Variants in KHDRBS1 observed in about 807,000 individuals in gnomAD.
The protein encoded by KHDRBS1 is KH RNA binding domain containing, signal transduction associated 1.
Under a neutral mutation model 48.4 loss-of-function variants are expected in KHDRBS1, and 7 were observed. The observed-to-expected ratio is 0.14, with a 90% CI of 0.08 to 0.27. The LOEUF (loss-of-function observed/expected upper bound fraction) is 0.27. KHDRBS1 is among the 10% of genes least tolerant of loss of function. The pLI, the probability that KHDRBS1 is intolerant of heterozygous loss-of-function variation, is 1.00. For synonymous variants in KHDRBS1, 241 were observed against 235.8 expected (o/e 1.02, Z -0.20); for missense variants, 458 against 601.2 (o/e 0.76, Z 2.49).
intron 8 of KHDRBS1, 93 bp downstream of exon 8, chr1:32,039,666 C>T: frequency 2.6e-6 from 2 of 770,708 alleles, no homozygotes; most frequent in Non-Finnish European, 4.7e-6. Context: ...ACAAACACAC[C>T]TACGGATAAA....
At chr1:32,038,136 G>T (rs1158284166) in intron 6 of KHDRBS1, 100 bp downstream of exon 6, 2 of 1,524,926 alleles carry the variant, frequency 1.3e-6, no homozygotes, top group Middle Eastern at 3.5e-4. Context: ...GTCATGGACT[G>T]CCTGTAAGAT....
chr1:32,016,636 C>T (rs1279326848), intron 1 of KHDRBS1, among the ~76,000 whole-genome samples: 2 of 152,140 alleles, frequency 1.3e-5, no homozygotes, highest in Non-Finnish European at 2.9e-5. Context: ...CTCCTCCAGG[C>T]ACCTTTGACC....
chr1:32,020,851 A>ATCCTT (rs1351781849), intron 1 of KHDRBS1, among the ~76,000 whole-genome samples: 1 of 152,190 alleles, frequency 6.6e-6, no homozygotes, highest in Non-Finnish European at 1.5e-5. Context: ...CTCATGATGG[A>ATCCTT]ACTGTTCTGT....
intron 10 of KHDRBS1, among the ~76,000 whole-genome samples, chr1:32,056,196 G>T (rs930164035): frequency 6.7e-6 from 1 of 149,838 alleles, no homozygotes; most frequent in African/African-American, 2.4e-5. Context: ...GGAATGGGCC[G>T]ATAGGAGTTC....
intron 4 of KHDRBS1, among the ~76,000 whole-genome samples, chr1:32,035,734 C>A (rs1199870996): frequency 6.6e-6 from 1 of 152,206 alleles, no homozygotes; most frequent in Non-Finnish European, 1.5e-5. Flanking sequence ...TCTTAAGTAT[C>A]TGTCAGATGT....
downstream of KHDRBS1, among the ~76,000 whole-genome samples, chr1:32,046,200 G>GT (rs1204145987): frequency 1.9e-4 from 28 of 149,742 alleles, no homozygotes; most frequent in African/African-American, 6.6e-4. Context: ...TTTTTTTTTG[G>GT]TTTTTTTGGT....
intron 8 of KHDRBS1, among the ~76,000 whole-genome samples, chr1:32,040,828 G>A (rs951557227): frequency 3.3e-5 from 5 of 152,160 alleles, no homozygotes; most frequent in African/African-American, 1.2e-4. Flanking sequence ...AAAAAGAGGA[G>A]CCCCTTAGGG....
chr1:32,027,724 C>T (rs973760010), intron 1 of KHDRBS1, among the ~76,000 whole-genome samples: 3 of 152,178 alleles, frequency 2.0e-5, no homozygotes, highest in African/African-American at 7.2e-5. Context: ...AACAAGCATT[C>T]AGTCTGAAAT....
chr1:32,047,990 G>A (rs1175413329), downstream of KHDRBS1, among the ~76,000 whole-genome samples: 5 of 152,052 alleles, frequency 3.3e-5, no homozygotes, highest in Admixed American at 2.0e-4. Context: ...ATAGTGTTTG[G>A]TTCATCCAGG....
chr1:32,055,125 A>G (rs1184577010), intron 10 of KHDRBS1, among the ~76,000 whole-genome samples: 1 of 152,088 alleles, frequency 6.6e-6, no homozygotes, highest in Admixed American at 6.6e-5. Flanking sequence ...TGGTACTCCT[A>G]GCTTGGTTTC....
rs141763752 is a variant in KHDRBS1 at position 32,042,603 on chromosome 1, G to C, written c.1311G>C (p.Glu437Asp). Residue 437 changes from glutamate (E) to aspartate (D), a missense_variant, in exon 9 of 9, where the codon GAG (glutamate) becomes GAC (aspartate). Glu to Asp is a conservative substitution (Grantham distance 45). Transcript: ENST00000327300. ...GGCCAGTGAAGGGAGCATACAGAGA[G>C]CACCCATATGGACGTTATTAAAAAC... Reference protein sequence around the residue: ...PARPVKGAYREHPYGRY With the variant: ...PARPVKGAYRDHPYGRY 2.2e-5 allele frequency: 36 copies of C among 1,608,722 alleles called. No homozygotes were observed. Among genetic ancestry groups the C allele is most frequent in the South Asian group, 2.2e-5 (2 of 90,938 alleles).
chr1:32,025,264 CAAA>C (rs780420929), intron 1 of KHDRBS1, among the ~76,000 whole-genome samples: 10 of 56,288 alleles, frequency 1.8e-4, no homozygotes, highest in Non-Finnish European at 3.2e-4. Flanking sequence ...GACCCTATCT[CAAA>C]AAAAAAAAAA....
At chr1:32,039,823 C>T (rs1219527011) in intron 8 of KHDRBS1, among the ~76,000 whole-genome samples, 1 of 152,082 alleles carries the variant, frequency 6.6e-6, no homozygotes, top group Non-Finnish European at 1.5e-5. Flanking sequence ...TAAACAAGGG[C>T]TCAAGACCAG....
At chr1:32,055,818 T>A (rs1033622988) in intron 10 of KHDRBS1, among the ~76,000 whole-genome samples, 1 of 151,998 alleles carries the variant, frequency 6.6e-6, no homozygotes, top group African/African-American at 2.4e-5. Context: ...GACTCAACCC[T>A]TTTTGGGAAG....
At chr1:32,029,605 C>T (rs947929550) in intron 1 of KHDRBS1, among the ~76,000 whole-genome samples, 4 of 151,992 alleles carry the variant, frequency 2.6e-5, no homozygotes, top group African/African-American at 7.2e-5. Context: ...TGCAGTGAGC[C>T]GAGATCATGC....
At chr1:32,040,230 A>G (rs1476832392) in intron 8 of KHDRBS1, among the ~76,000 whole-genome samples, 2 of 152,102 alleles carry the variant, frequency 1.3e-5, no homozygotes, top group Non-Finnish European at 2.9e-5. Flanking sequence ...CCTGGCCAAG[A>G]TGGTGAAACC....
intron 1 of KHDRBS1, among the ~76,000 whole-genome samples, chr1:32,025,347 C>T (rs961387643): frequency 7.8e-6 from 1 of 128,246 alleles, no homozygotes; most frequent in East Asian, 2.6e-4. Context: ...GTCACCCAGG[C>T]TAGAGTGCAG....
intron 1 of KHDRBS1, among the ~76,000 whole-genome samples, chr1:32,017,791 G>C (rs1297038451): frequency 6.6e-6 from 1 of 151,612 alleles, no homozygotes; most frequent in Non-Finnish European, 1.5e-5. Context: ...ATTTTTAGTA[G>C]AGACGGGGTT....
At chr1:32,015,938 T>C (rs566959363) in intron 1 of KHDRBS1, among the ~76,000 whole-genome samples, 1 of 152,240 alleles carries the variant, frequency 6.6e-6, no homozygotes, top group East Asian at 1.9e-4. Flanking sequence ...CCCAGCACTT[T>C]GGGAGGCCGA....
Sources: allele counts gnomAD v4.1 joint callset (sites outside exome capture counted in the v4.1 genomes callset), GRCh38; gene constraint gnomAD v4.1.1; transcripts MANE v1.5; gene names NCBI Gene and HGNC (gene_info 2026-07-23, HGNC 2026-07-21).